The following ACBD6 variants were observed in gnomAD, a reference collection of about 807,000 sequenced individuals.
ACBD6 encodes the protein acyl-CoA binding domain containing 6, also known as acyl-CoA-binding domain-containing protein 6.
Under a neutral mutation model 37.2 loss-of-function variants are expected in ACBD6, and 28 were observed. That is an observed-to-expected ratio of 0.75 (90% CI 0.56 to 1.03). The LOEUF (loss-of-function observed/expected upper bound fraction) is 1.03, where lower values mean the gene tolerates loss of function less well. Ranked by LOEUF, ACBD6 falls within the 50% of genes least tolerant of loss-of-function variation. ACBD6 has a pLI of 0.00. For synonymous variants in ACBD6, 113 were observed against 126.8 expected, an observed-to-expected ratio of 0.89 and a Z score of 0.73; for missense variants, 340 against 337.4, an observed-to-expected ratio of 1.01 and a Z score of -0.06.
chr1:180,473,379 G>A (rs1006865056), intron 3 of ACBD6, among the ~76,000 whole-genome samples: 3 of 150,116 alleles, frequency 2.0e-5, no homozygotes, highest in East Asian at 1.9e-4. Context: ...CCCGGGAGGC[G>A]GAGCTTGCAG....
At chr1:180,459,827 A>G (rs1402902275) in intron 3 of ACBD6, among the ~76,000 whole-genome samples, 2 of 152,216 alleles carry the variant, frequency 1.3e-5, no homozygotes, top group Non-Finnish European at 2.9e-5. Context: ...AAAATATCAA[A>G]CACATATGAC....
intron 5 of ACBD6, among the ~76,000 whole-genome samples, chr1:180,402,411 A>G (rs971070768): frequency 6.6e-6 from 1 of 152,200 alleles, no homozygotes; most frequent in African/African-American, 2.4e-5. Flanking sequence ...TGTGATACAC[A>G]CTTAAAATCA....
chr1:180,285,593 A>G (rs541343296), downstream of ACBD6, among the ~76,000 whole-genome samples: 12 of 152,338 alleles, frequency 7.9e-5, no homozygotes, highest in East Asian at 2.3e-3. Flanking sequence ...TTCATGTTCA[A>G]CTGAAGCATA....
chr1:180,311,077 G>C (rs576230958), intron 7 of ACBD6, among the ~76,000 whole-genome samples: 2 of 152,278 alleles, frequency 1.3e-5, no homozygotes, highest in African/African-American at 4.8e-5. Flanking sequence ...CCAGAACAGA[G>C]GGCAGGTTTG....
chr1:180,340,608 C>T (rs1379191423), intron 6 of ACBD6, among the ~76,000 whole-genome samples: 3 of 151,260 alleles, frequency 2.0e-5, no homozygotes, highest in South Asian at 2.1e-4. Context: ...GAAATCTACA[C>T]AGAAGAGAGA....
intron 3 of ACBD6, among the ~76,000 whole-genome samples, chr1:180,431,607 C>T (rs2101999104): frequency 6.6e-6 from 1 of 152,214 alleles, no homozygotes; most frequent in East Asian, 1.9e-4. Context: ...CAGTATGTAT[C>T]CTCATTATAA....
chr1:180,479,953 C>T (rs1650959360), intron 3 of ACBD6, among the ~76,000 whole-genome samples: 1 of 152,058 alleles, frequency 6.6e-6, no homozygotes, highest in Non-Finnish European at 1.5e-5. Flanking sequence ...CGCACCACTG[C>T]ACTCCAGCCT....
At chr1:180,395,864 G>A (rs192424598) in intron 6 of ACBD6, among the ~76,000 whole-genome samples, 15 of 152,302 alleles carry the variant, frequency 9.8e-5, no homozygotes, top group Admixed American at 6.5e-4. Context: ...CATGTTCACA[G>A]CATCCTTATT....
At chr1:180,309,592 C>G (rs1366355233) in intron 7 of ACBD6, among the ~76,000 whole-genome samples, 1 of 152,154 alleles carries the variant, frequency 6.6e-6, no homozygotes, top group Non-Finnish European at 1.5e-5. Context: ...GCTGATTCAG[C>G]AGGGCATGTG....
chr1:180,392,333 C>T (rs1654108585), intron 6 of ACBD6, among the ~76,000 whole-genome samples: 1 of 151,502 alleles, frequency 6.6e-6, no homozygotes, highest in African/African-American at 2.4e-5. Context: ...GTGTACATTA[C>T]CTCACTGAAT....
intron 3 of ACBD6, among the ~76,000 whole-genome samples, chr1:180,483,188 T>G (rs921820748): frequency 2.0e-5 from 3 of 152,172 alleles, no homozygotes; most frequent in Non-Finnish European, 4.4e-5. Context: ...CTTTAGAGAC[T>G]TGCACTAGCT....
intron 6 of ACBD6, among the ~76,000 whole-genome samples, chr1:180,362,446 A>T (rs571985271): frequency 6.6e-6 from 1 of 152,112 alleles, no homozygotes; most frequent in South Asian, 2.1e-4. Context: ...ACAGGATGGG[A>T]AAAAAAAGAT....
In ACBD6 at chr1:180,466,007, G is replaced by T. The variant is rs925960634; in HGVS notation, c.384+26262C>A. 4.6e-5 allele frequency among the ~76,000 whole-genome samples: 7 copies of T among 152,208 alleles called. No homozygotes were observed. The South Asian group carries it at 1.2e-3, about 27-fold the overall frequency. On this transcript the variant is annotated intron_variant, in intron 3 of 7. Transcript: ENST00000367595. ...CAACAGACACTGGAGTCTACTTGAGGGGGGAGGGTGGGAGCAGAAAAGATA... is the reference window on the plus strand; with the variant it reads ...CAACAGACACTGGAGTCTACTTGAGTGGGGAGGGTGGGAGCAGAAAAGATA...
At chr1:180,351,960 T>C (rs1652437413) in intron 6 of ACBD6, among the ~76,000 whole-genome samples, 1 of 152,198 alleles carries the variant, frequency 6.6e-6, no homozygotes, top group Non-Finnish European at 1.5e-5. Context: ...GTGAGTATTA[T>C]TTGGCCTCAA....
At chr1:180,462,498 T>C (rs1045713139) in intron 3 of ACBD6, among the ~76,000 whole-genome samples, 2 of 152,168 alleles carry the variant, frequency 1.3e-5, no homozygotes, top group Non-Finnish European at 1.5e-5. Flanking sequence ...CTTTACATAA[T>C]GTTAAGGGGT....
intron 4 of ACBD6, among the ~76,000 whole-genome samples, chr1:180,419,615 C>T (rs939978383): frequency 6.6e-6 from 1 of 152,188 alleles, no homozygotes; most frequent in African/African-American, 2.4e-5. Context: ...AAAAACTTAA[C>T]TACTAGTAGG....
In ACBD6 at chr1:180,502,184, A is replaced by AC. The variant is rs757566117; in HGVS notation, c.82dup (p.Val28GlyfsTer6). The AC allele has an allele frequency of 3.7e-6, 6 of 1,613,276 alleles. No homozygotes were observed. The highest frequency in any genetic ancestry group is 5.1e-6 in the Non-Finnish European group (6 of 1,179,882). On this transcript the variant is annotated frameshift_variant, in exon 1 of 8. Coordinates refer to ENST00000367595, the MANE Select transcript of ACBD6 (RefSeq NM_032360.4). LOFTEE classifies it high-confidence loss of function. ...GATCTCAGGGCTATGGGGGAACTCC[A>AC]CCTCCCCGGAGTCGTCCCCTGAGCT...
exon 14 of ACBD6, chr1:180,270,616 T>C (rs1395950228): frequency 6.5e-6 from 1 of 153,346 alleles, no homozygotes; most frequent in Non-Finnish European, 1.5e-5. Context: ...TCAGTCAGTG[T>C]GTTGCCCAGA....
rs192290188 is a variant in ACBD6, at chr1:180,400,913, G to A, written c.574-3308C>T. 1.2e-4 allele frequency among the ~76,000 whole-genome samples: 18 copies of A among 152,154 alleles called. 1 individual carries two copies. Among genetic ancestry groups the A allele is most frequent in the South Asian group, 8.3e-4 (4 of 4,828 alleles). ...AACCATGACTTAGGTGTGCATTAAA[G>A]CTATATCTTCTAAGACTTTATCTAA... is the stretch of plus-strand genomic sequence containing the variant. On this transcript the variant is annotated intron_variant, in intron 5 of 7. Coordinates refer to ENST00000367595, the MANE Select transcript of ACBD6 (RefSeq NM_032360.4).
Sources: allele counts gnomAD v4.1 joint callset (sites outside exome capture counted in the v4.1 genomes callset), GRCh38; gene constraint gnomAD v4.1.1; transcripts MANE v1.5; gene names NCBI Gene and HGNC (gene_info 2026-07-23, HGNC 2026-07-21).